Variants in MDH2 observed in about 807,000 individuals in gnomAD.
The protein encoded by MDH2 is malate dehydrogenase 2.
A neutral mutation model predicts 33.6 loss-of-function variants in MDH2; 25 were observed. The ratio of observed to expected loss-of-function variants is 0.74; its 90% CI spans 0.54 to 1.04. MDH2 has a LOEUF of 1.04. Among genes scored for constraint, MDH2 ranks in the 50% least tolerant of loss-of-function variants. The pLI is 0.00. For missense variants in MDH2, 432 were observed against 445.0 expected (o/e 0.97, Z 0.26); for synonymous variants, 193 against 188.7 (o/e 1.02, Z -0.19).
intron 1 of MDH2, 39 bp downstream of exon 1, chr7:76,048,265 C>T: frequency 6.6e-7 from 1 of 1,523,178 alleles, no homozygotes; most frequent in Non-Finnish European, 8.8e-7. Context: ...CGGAGGCCCC[C>T]CGGCCCGGGC....
At position 76,064,085 on chromosome 7, in the gene MDH2, CG is replaced by C. The variant is rs1554587402; in HGVS notation, c.634-253del. ...CTTCCCAACAGAGTTGATTTCACTT[CG>C]TCTTTTTTTTTTTTATCTTTTTATT... On this transcript the variant is annotated intron_variant, in intron 6 of 8. Transcript: ENST00000315758. Among the ~76,000 whole-genome samples, 149 of 150,106 alleles carry C rather than the reference CG, an allele frequency of 9.9e-4. 1 individual carries two copies. The highest frequency in any genetic ancestry group is 3.4e-3 in the Middle Eastern group (1 of 292).
At chr7:76,063,288 ACGG>A (rs1798002640) in intron 5 of MDH2, among the ~76,000 whole-genome samples, 1 of 152,202 alleles carries the variant, frequency 6.6e-6, no homozygotes, top group Non-Finnish European at 1.5e-5. Context: ...GCCTCGCCAG[ACGG>A]CGGCAAGCCC....
intron 1 of MDH2, among the ~76,000 whole-genome samples, chr7:76,050,846 AAG>A (rs1488128518): frequency 1.3e-5 from 2 of 152,098 alleles, no homozygotes; most frequent in African/African-American, 4.8e-5. Context: ...AGACTTATAG[AAG>A]AGAGTGGGTT....
At chr7:76,048,374 A>C (rs1554584581) in intron 1 of MDH2, 148 bp downstream of exon 1, 1 of 1,253,894 alleles carries the variant, frequency 8.0e-7, no homozygotes, top group Non-Finnish European at 1.1e-6. Flanking sequence ...CGCCCGGGGC[A>C]GGCCCTGACA....
At chr7:76,050,103 C>T (rs1010332837) in intron 1 of MDH2, among the ~76,000 whole-genome samples, 1 of 152,108 alleles carries the variant, frequency 6.6e-6, no homozygotes, top group African/African-American at 2.4e-5. Flanking sequence ...GCCATCTTGG[C>T]TCACTGCAAC....
At position 76,060,477 on chromosome 7, in the gene MDH2, C is replaced by A. The variant is rs1313496873; in HGVS notation, c.534C>A (p.Asn178Lys). 1.2e-6 allele frequency: 2 copies of A among 1,614,188 alleles called. No homozygotes were observed. The highest frequency in any genetic ancestry group is 1.7e-6 in the Non-Finnish European group (2 of 1,180,044). The part of the protein sequence containing the change: ...GVTTLDIVRA[N>K]TFVAELKGLD... Reference sequence around the variant, plus strand: ...CGACCCTGGACATCGTCAGAGCCAACACCTTTGTTGCAGAGCTGAAGGTAA... The same window carrying A: ...CGACCCTGGACATCGTCAGAGCCAAAACCTTTGTTGCAGAGCTGAAGGTAA... Residue 178 changes from asparagine (N) to lysine (K), a missense_variant, in exon 5 of 9, where the codon AAC (asparagine) becomes AAA (lysine). Physicochemically the swap from Asn to Lys is moderately conservative, Grantham distance 94. Transcript: ENST00000315758.
At chr7:76,058,642 A>G (rs1797857630) in intron 4 of MDH2, among the ~76,000 whole-genome samples, 1 of 152,132 alleles carries the variant, frequency 6.6e-6, no homozygotes, top group African/African-American at 2.4e-5. Flanking sequence ...ACTATAATAA[A>G]AGTTATTTCT....
chr7:76,049,651 C>A (rs1286293035), intron 1 of MDH2, among the ~76,000 whole-genome samples: 1 of 152,064 alleles, frequency 6.6e-6, no homozygotes, highest in Non-Finnish European at 1.5e-5. Context: ...AGATATCCGA[C>A]ATATTTATTG....
chr7:76,054,605 C>G (rs1449951764), intron 1 of MDH2: 1 of 554,534 alleles, frequency 1.8e-6, no homozygotes. Context: ...TTGAAGTACC[C>G]TGAGTATCAC....
chr7:76,054,465 C>T (rs1209449456), intron 1 of MDH2: 15 of 270,370 alleles, frequency 5.5e-5, no homozygotes, highest in African/African-American at 2.3e-4. Flanking sequence ...CCTCAGTTAC[C>T]GGGAGGGCCT....
chr7:76,063,591 A>G lies in MDH2; in HGVS notation c.632A>G (p.Gln211Arg), dbSNP rs1554587318. ...AAGACCATCATCCCCCTGATCTCTCAGGTACACGCATATGACCCTGTGAGG... is the reference window on the plus strand; with the variant it reads ...AAGACCATCATCCCCCTGATCTCTCGGGTACACGCATATGACCCTGTGAGG... ...AGKTIIPLIS[Q>R]CTPKVDFPQD... The change falls in exon 6 of 9, where the codon CAG (glutamine) becomes CGG (arginine). Residue 211 changes from glutamine to arginine, a missense_variant and splice_region_variant. Coordinates refer to ENST00000315758, the MANE Select transcript of MDH2 (RefSeq NM_005918.4). 1 of 1,613,724 alleles carries G rather than the reference A, an allele frequency of 6.2e-7. No individual in the cohort carries two copies. Among genetic ancestry groups the G allele is most frequent in the East Asian group, 2.2e-5 (1 of 44,884 alleles).
At chr7:76,055,522 G>T (rs1554586140) in intron 2 of MDH2, among the ~76,000 whole-genome samples, 1 of 152,010 alleles carries the variant, frequency 6.6e-6, no homozygotes, top group African/African-American at 2.4e-5. Flanking sequence ...GATTGCTTGA[G>T]TCCAGGAGTT....
chr7:76,057,307 G>C, intron 2 of MDH2, 103 bp from the exon 3 acceptor site: 1 of 1,175,788 alleles, frequency 8.5e-7, no homozygotes, highest in Admixed American at 2.2e-5. Context: ...AGGGCTTCTA[G>C]CCTTTCTCGA....
rs143451064 is a variant in MDH2 at position 76,055,530 on chromosome 7, G to C, written c.235+532G>C. ...TCAGGAGGATTGCTTGAGTCCAGGAGTTCAAGACCAGCCCAGGCAACATGG... is the reference window on the plus strand; with the variant it reads ...TCAGGAGGATTGCTTGAGTCCAGGACTTCAAGACCAGCCCAGGCAACATGG... On this transcript the variant is annotated intron_variant, in intron 2 of 8. Transcript: ENST00000315758. Among the ~76,000 whole-genome samples, 201 of 152,156 alleles carry C rather than the reference G, an allele frequency of 1.3e-3. 8 individuals are homozygous for C. In the South Asian group the frequency reaches 0.038, roughly 28 times the overall value.
chr7:76,061,711 G>A (rs1296711921), intron 5 of MDH2, among the ~76,000 whole-genome samples: 1 of 151,570 alleles, frequency 6.6e-6, no homozygotes, highest in East Asian at 1.9e-4. Context: ...CCCCGGGATT[G>A]CCGCAGTACG....
rs963958303 is a variant in MDH2 at position 76,057,757 on chromosome 7, G to A, written c.320-212G>A. On this transcript the variant is annotated intron_variant, in intron 3 of 8. Transcript: ENST00000315758. ...TGGGGGTTCTTAATAAACCTCGACG[G>A]TCCTTCTCAGATGTTGTCCTCCCCT... Among the ~76,000 whole-genome samples the A allele has an allele frequency of 9.2e-5, 14 of 152,158 alleles. No homozygotes were observed. In the East Asian group the frequency reaches 2.7e-3, roughly 29 times the overall value.
rs1554587659 is a variant in MDH2, at chr7:76,064,944, G to T, written c.876G>T (p.Leu292=). Residue 292 remains leucine (L), a synonymous_variant, in exon 8 of 9, where the codon CTG becomes CTT. Transcript: ENST00000315758. The part of the protein sequence containing the change: ...ETECTYFSTP[L]LLGKKGIEKN... ...AATGTACCTACTTCTCCACACCGCT[G>T]CTGCTTGGGGTACGTATCCAGGCGT... 6.2e-7 allele frequency: 1 copy of T among 1,614,152 alleles called. No homozygotes were observed. Among genetic ancestry groups the T allele is most frequent in the Admixed American group, 1.7e-5 (1 of 60,026 alleles).
chr7:76,048,829 CT>C, intron 1 of MDH2: 1 of 1,211,470 alleles, frequency 8.3e-7, no homozygotes, highest in Non-Finnish European at 1.0e-6. Context: ...CTTAACAGTG[CT>C]TGACTTGGCC....
At chr7:76,061,180 C>T (rs1248388642) in intron 5 of MDH2, among the ~76,000 whole-genome samples, 3 of 152,210 alleles carry the variant, frequency 2.0e-5, no homozygotes, top group African/African-American at 7.2e-5. Flanking sequence ...GAACCACTTC[C>T]TTTGGCCCCA....
Sources: allele counts gnomAD v4.1 joint callset (sites outside exome capture counted in the v4.1 genomes callset), GRCh38; gene constraint gnomAD v4.1.1; transcripts MANE v1.5; gene names NCBI Gene and HGNC (gene_info 2026-07-23, HGNC 2026-07-21).